ARHGAP44: variants seen among roughly 807,000 people sequenced by gnomAD.
The protein encoded by ARHGAP44 is Rho GTPase activating protein 44.
ARHGAP44 carries 43 observed loss-of-function variants against 106.8 expected under a neutral mutation model. The observed-to-expected ratio is 0.40, with a 90% CI of 0.32 to 0.52. The LOEUF is 0.52. ARHGAP44 is among the 20% of genes least tolerant of loss of function. The pLI is 0.48. For synonymous variants in ARHGAP44, 439 were observed against 410.3 expected (o/e 1.07, Z -0.85); for missense variants, 866 against 1,050.5 (o/e 0.82, Z 2.43).
chr17:12,875,845 G>A (rs574246394), intron 1 of ARHGAP44, among the ~76,000 whole-genome samples: 1 of 152,328 alleles, frequency 6.6e-6, no homozygotes, highest in East Asian at 1.9e-4. Context: ...TGGGGAGGCT[G>A]AGGCAGGAGA....
At chr17:12,790,670 C>G (rs2033721713) in intron 1 of ARHGAP44, 1 of 152,846 alleles carries the variant, frequency 6.5e-6, no homozygotes, top group African/African-American at 2.4e-5. Flanking sequence ...CAAGACCCCG[C>G]CTGCTGCCAT....
intron 6 of ARHGAP44, among the ~76,000 whole-genome samples, chr17:12,923,412 C>T (rs1006775572): frequency 2.0e-5 from 3 of 152,154 alleles, no homozygotes; most frequent in Non-Finnish European, 4.4e-5. Context: ...GACGGGGTTT[C>T]GCCATGTTGG....
chr17:12,954,027 A>G (rs12451612), intron 13 of ARHGAP44, among the ~76,000 whole-genome samples: 27,238 of 150,020 alleles, frequency 0.18, 2,623 homozygotes, highest in Admixed American at 0.21. Context: ...AGCTGGGACT[A>G]TGTGCATGCG....
intron 3 of ARHGAP44, among the ~76,000 whole-genome samples, chr17:12,899,685 G>A (rs1279129002): frequency 1.2e-5 from 1 of 84,078 alleles, no homozygotes; most frequent in Non-Finnish European, 2.4e-5. Context: ...GTCCAGAGAT[G>A]GACAATCACA....
rs753277638 is a variant in ARHGAP44 at position 12,949,205 on chromosome 17, C to T, written c.927C>T (p.Cys309=). 26 of 1,580,564 alleles carry T rather than the reference C, an allele frequency of 1.6e-5. No individual in the cohort carries two copies. Among genetic ancestry groups the T allele is most frequent in the Non-Finnish European group, 1.9e-5 (22 of 1,163,476 alleles). Residue 309 remains cysteine (C), a synonymous_variant, in exon 11 of 21, where the codon TGC becomes TGT. Coordinates refer to ENST00000379672, the MANE Select transcript of ARHGAP44 (RefSeq NM_014859.6). This position sits in a 1 kb window ranked among gnomAD's most constrained non-coding sequence, Gnocchi z 4.1. ...AGCTGAAAGCGGCCCTGGACTGCTGCGTGGTGGATGTGCAGGAGTACTCGG... is the reference window on the plus strand; with the variant it reads ...AGCTGAAAGCGGCCCTGGACTGCTGTGTGGTGGATGTGCAGGAGTACTCGG... The part of the protein sequence containing the change: ...LKKLKAALDC[C]VVDVQEYSAD...
chr17:12,975,163 T>A (rs116352713), intron 18 of ARHGAP44, among the ~76,000 whole-genome samples: 1,784 of 152,294 alleles, frequency 0.012, 35 homozygotes, highest in African/African-American at 0.041. Flanking sequence ...AAATATTTTA[T>A]TGAACTGTAC....
At chr17:12,798,897 G>C (rs2034004294) in intron 1 of ARHGAP44, among the ~76,000 whole-genome samples, 1 of 152,120 alleles carries the variant, frequency 6.6e-6, no homozygotes, top group African/African-American at 2.4e-5. Flanking sequence ...GACTATTCAT[G>C]TTGTCTATTT....
chr17:12,793,344 G>C (rs2033821915), intron 1 of ARHGAP44, among the ~76,000 whole-genome samples: 1 of 152,230 alleles, frequency 6.6e-6, no homozygotes, highest in Non-Finnish European at 1.5e-5. Flanking sequence ...GATGTCTACT[G>C]TGTCCCAGAC....
chr17:12,801,182 A>G (rs755803784), intron 1 of ARHGAP44, among the ~76,000 whole-genome samples: 2 of 152,238 alleles, frequency 1.3e-5, no homozygotes, highest in Non-Finnish European at 2.9e-5. Flanking sequence ...CTGAAAACAT[A>G]GAGTCTGAGA....
intron 3 of ARHGAP44, among the ~76,000 whole-genome samples, chr17:12,902,649 C>T (rs1361062808): frequency 6.6e-6 from 1 of 152,110 alleles, no homozygotes; most frequent in Non-Finnish European, 1.5e-5. Flanking sequence ...ACTAGCATGC[C>T]CTTCCTTTTC....
intron 1 of ARHGAP44, among the ~76,000 whole-genome samples, chr17:12,840,491 C>G (rs991653614): frequency 6.6e-6 from 1 of 152,208 alleles, no homozygotes; most frequent in Non-Finnish European, 1.5e-5. Flanking sequence ...TAGTTGCTTT[C>G]TTTGTCCCCC....
chr17:12,858,163 C>T lies in ARHGAP44; in HGVS notation c.54-36777C>T, dbSNP rs117236792. Among the ~76,000 whole-genome samples, 71 of 152,280 alleles carry T rather than the reference C, an allele frequency of 4.7e-4. 1 individual carries two copies. The East Asian group carries it at 0.013, about 29-fold the overall frequency. On this transcript the variant is annotated intron_variant, in intron 1 of 20. Coordinates refer to ENST00000379672, the MANE Select transcript of ARHGAP44 (RefSeq NM_014859.6). The stretch of plus-strand genomic sequence containing the variant: ...GTCCATAGTGTGTGGGCACAGAAAT[C>T]CTGTGAATGGAAAGTTCCAACCACG...
At chr17:12,916,155 A>G (rs2037906988) in intron 5 of ARHGAP44, 144 bp downstream of exon 5, 2 of 672,130 alleles carry the variant, frequency 3.0e-6, no homozygotes, top group Admixed American at 2.9e-5. Context: ...TTACCTAACC[A>G]CATGGTCAAG....
At chr17:12,817,066 T>G (rs1657329242) in intron 1 of ARHGAP44, among the ~76,000 whole-genome samples, 2 of 152,124 alleles carry the variant, frequency 1.3e-5, no homozygotes, top group South Asian at 4.1e-4. Context: ...CCATACAGAG[T>G]ATGTTCTCTG....
At position 12,956,838 on chromosome 17, in the gene ARHGAP44, A is replaced by G. The variant is rs1477605465; in HGVS notation, c.1342+92A>G. ...CCTTTGAAGCCAAGTACCACTGCCC[A>G]CAGGCTTTTTTTTTTGATTCCCCTA... is the stretch of plus-strand genomic sequence containing the variant. On this transcript the variant is annotated intron_variant, in intron 15 of 20. Coordinates refer to ENST00000379672, the MANE Select transcript of ARHGAP44 (RefSeq NM_014859.6). The G allele has an allele frequency of 4.7e-6, 5 of 1,066,080 alleles. No homozygotes were observed. The East Asian group carries it at 9.9e-5, about 21-fold the overall frequency. 66.0% of individuals were successfully genotyped at this position (1,066,080 alleles called of 1,614,324 possible).
chr17:12,911,730 C>T (rs1339794092), intron 4 of ARHGAP44, among the ~76,000 whole-genome samples: 1 of 152,092 alleles, frequency 6.6e-6, no homozygotes, highest in Non-Finnish European at 1.5e-5. Context: ...TGGGGGACTC[C>T]CGGTGCAGTG....
intron 16 of ARHGAP44, among the ~76,000 whole-genome samples, chr17:12,963,299 G>T (rs181378666): frequency 1.1e-4 from 16 of 152,258 alleles, no homozygotes; most frequent in Admixed American, 1.0e-3. Context: ...GATGTTCTGG[G>T]ACTGCTGAGG....
At chr17:12,975,487 A>G (rs897660353) in intron 18 of ARHGAP44, among the ~76,000 whole-genome samples, 3 of 152,084 alleles carry the variant, frequency 2.0e-5, no homozygotes, top group Admixed American at 6.6e-5. Context: ...ATATTAACTG[A>G]TAACTTTCTC....
chr17:12,839,506 T>C (rs1385273372), intron 1 of ARHGAP44, among the ~76,000 whole-genome samples: 1 of 152,228 alleles, frequency 6.6e-6, no homozygotes, highest in Non-Finnish European at 1.5e-5. Flanking sequence ...GTACATTCTT[T>C]AAACTGATGA....
Sources: gnomAD v4.1 joint callset for allele counts (sites outside exome capture counted in the v4.1 genomes callset) on GRCh38, gnomAD v4.1.1 for gene constraint, Gnocchi (gnomAD v3.1) non-coding constraint, MANE v1.5 for transcripts, NCBI Gene and HGNC (gene_info 2026-07-23, HGNC 2026-07-21) for gene names.